Variants in TP73 observed in about 807,000 individuals in gnomAD.
TP73 encodes the protein p53-like transcription factor.
In TP73, 25 loss-of-function variants were observed where a neutral mutation model predicts 62.5. The observed-to-expected ratio is 0.40, with a 90% CI of 0.29 to 0.56. The LOEUF is 0.56. TP73 is among the 20% of genes least tolerant of loss of function. TP73 has a pLI of 0.46. For synonymous variants in TP73, 423 were observed against 377.5 expected (o/e 1.12, Z -1.40); for missense variants, 754 against 913.3 (o/e 0.83, Z 2.25).
rs569845092 is a variant in TP73 at position 3,730,937 on chromosome 1, G to C, written c.1356G>C (p.Met452Ile). 1.3e-4 allele frequency: 202 copies of C among 1,607,148 alleles called. 3 individuals are homozygous for C. The South Asian group carries it at 2.1e-3, about 17-fold the overall frequency. Residue 452 changes from methionine to isoleucine, a missense_variant, in exon 12 of 14, where the codon ATG becomes ATC. Physicochemically the swap from Met to Ile is conservative, Grantham distance 10. Transcript: ENST00000378295. ...TPNLGPVGPGMLNNHGHAVPA... is the reference protein window; with the variant it reads ...TPNLGPVGPGILNNHGHAVPA... ...CTGCCTCTCACCCAGGCCCCGGGAT[G>C]CTCAACAACCATGGCCACGCAGTGC...
chr1:3,678,500 G>C (rs1041724850), intron 1 of TP73, among the ~76,000 whole-genome samples: 3 of 152,244 alleles, frequency 2.0e-5, no homozygotes, highest in African/African-American at 7.2e-5. Context: ...TGTTCCTGTG[G>C]GGCCCTGGGA....
chr1:3,731,302 C>T (rs1642120580), intron 12 of TP73, among the ~76,000 whole-genome samples, 161 bp from the exon 13 acceptor site: 1 of 152,208 alleles, frequency 6.6e-6, no homozygotes, highest in Non-Finnish European at 1.5e-5. Context: ...CAGCTGAGCA[C>T]GTCCCCTCCC....
At chr1:3,680,840 G>C (rs1645502398) in intron 1 of TP73, among the ~76,000 whole-genome samples, 1 of 152,242 alleles carries the variant, frequency 6.6e-6, no homozygotes, top group African/African-American at 2.4e-5. Context: ...AGGCCTGCAA[G>C]GGCACACCCA....
chr1:3,721,932 G>T (rs957727510), intron 4 of TP73, 89 bp from the exon 5 acceptor site: 9 of 1,367,906 alleles, frequency 6.6e-6, no homozygotes, highest in African/African-American at 1.5e-5. Context: ...GGGCACCCAT[G>T]GGGAGGACGT....
rs1214624091 is a variant in TP73 at position 3,666,897 on chromosome 1, G to A, written c.-34+14256G>A. On this transcript the variant is annotated intron_variant, in intron 1 of 13. Transcript: ENST00000378295. This position sits in a 1 kb window ranked among gnomAD's most constrained non-coding sequence, Gnocchi z 6.4. ...TGGCAAAAAAAAGTGGCTCCCCAAA[G>A]GTCTTCACGTCCCAATCCCCAGAAC... 1.3e-5 allele frequency among the ~76,000 whole-genome samples: 2 copies of A among 152,180 alleles called. No homozygotes were observed. Among genetic ancestry groups the A allele is most frequent in the Non-Finnish European group, 2.9e-5 (2 of 68,030 alleles).
At chr1:3,676,055 C>T (rs1645358497) in intron 1 of TP73, among the ~76,000 whole-genome samples, 1 of 149,012 alleles carries the variant, frequency 6.7e-6, no homozygotes, top group Non-Finnish European at 1.5e-5. Flanking sequence ...GGACTGGGGA[C>T]AGGGGACAAG....
chr1:3,682,951 G>A (rs933725393), intron 2 of TP73, 109 bp from the exon 3 acceptor site: 19 of 1,431,350 alleles, frequency 1.3e-5, no homozygotes, highest in Admixed American at 2.0e-5. Context: ...GGCAGGAGAC[G>A]TAGGCCTCAC....
chr1:3,673,187 G>A (rs570122080), intron 1 of TP73, among the ~76,000 whole-genome samples: 13 of 152,368 alleles, frequency 8.5e-5, no homozygotes, highest in African/African-American at 3.1e-4. Flanking sequence ...CTGCAAAAGG[G>A]TGCGGAGACC....
At chr1:3,702,635 T>C (rs979726074) in intron 3 of TP73, among the ~76,000 whole-genome samples, 4 of 152,164 alleles carry the variant, frequency 2.6e-5, no homozygotes, top group Non-Finnish European at 2.9e-5. Flanking sequence ...AACAAGGCCC[T>C]GGGGCCCCAG....
At chr1:3,695,190 GGAT>G (rs1638523719) in intron 3 of TP73, among the ~76,000 whole-genome samples, 1 of 152,252 alleles carries the variant, frequency 6.6e-6, no homozygotes, top group Non-Finnish European at 1.5e-5. Context: ...GCCGATGGCT[GGAT>G]GAGTGGGGCC....
At chr1:3,706,181 G>C (rs1639611782) in intron 3 of TP73, among the ~76,000 whole-genome samples, 1 of 152,120 alleles carries the variant, frequency 6.6e-6, no homozygotes, top group Admixed American at 6.5e-5. Flanking sequence ...ACGGTCTGGG[G>C]GTCTCAGCCT....
At chr1:3,712,298 G>A (rs1385175570) in intron 4 of TP73, 2 of 152,272 alleles carry the variant, frequency 1.3e-5, no homozygotes, top group Non-Finnish European at 2.9e-5. Context: ...ATATCATGTG[G>A]CGCAGGGATC....
At chr1:3,711,549 G>C (rs1640142281) in intron 4 of TP73, among the ~76,000 whole-genome samples, 1 of 152,258 alleles carries the variant, frequency 6.6e-6, no homozygotes, top group African/African-American at 2.4e-5. Context: ...ATCAGGGAAG[G>C]TGGCTGTCCT....
At chr1:3,693,557 C>T (rs144173142) in intron 3 of TP73, among the ~76,000 whole-genome samples, 65 of 152,260 alleles carry the variant, frequency 4.3e-4, no homozygotes, top group Non-Finnish European at 7.5e-4. Flanking sequence ...GCCTCAGTCT[C>T]CTCTATGATG....
intron 3 of TP73, among the ~76,000 whole-genome samples, chr1:3,706,601 C>T (rs979427593): frequency 1.3e-5 from 2 of 152,136 alleles, no homozygotes; most frequent in Non-Finnish European, 2.9e-5. Flanking sequence ...CTCCAGCACC[C>T]GCCTCTGGAT....
chr1:3,719,888 CTT>C (rs1245491958), intron 4 of TP73, among the ~76,000 whole-genome samples: 2 of 96,736 alleles, frequency 2.1e-5, no homozygotes, highest in Non-Finnish European at 4.1e-5. Context: ...CTTTTTTTCT[CTT>C]TGTGTGTGTG....
chr1:3,693,761 A>C, intron 3 of TP73, among the ~76,000 whole-genome samples: 1 of 135,014 alleles, frequency 7.4e-6, no homozygotes, highest in Non-Finnish European at 1.6e-5. Flanking sequence ...TCCTCCCACA[A>C]TCCCACCCAT....
Position 3,729,367 on chromosome 1 carries a change from A to G in TP73, c.1115A>G (p.Lys372Arg), listed in dbSNP as rs1483021148. 1 of 1,613,106 alleles carries G rather than the reference A, an allele frequency of 6.2e-7. No homozygotes were observed. The highest frequency in any genetic ancestry group is 8.5e-7 in the Non-Finnish European group (1 of 1,179,996). The change falls in exon 10 of 14, where the codon AAA becomes AGA. Residue 372 changes from lysine (K) to arginine (R), a missense_variant. Coordinates refer to ENST00000378295, the MANE Select transcript of TP73 (RefSeq NM_005427.4). ...AACTTTGAGATCCTGATGAAGCTGA[A>G]AGAGAGCCTGGAGCTGATGGAGTTG... ...RENFEILMKL[K>R]ESLELMELVP...
At chr1:3,655,537 A>G (rs1221943360) in intron 1 of TP73, among the ~76,000 whole-genome samples, 1 of 152,262 alleles carries the variant, frequency 6.6e-6, no homozygotes, top group African/African-American at 2.4e-5. Context: ...TTAAAAGCAA[A>G]AAAGAAAAAA....
Sources: allele counts gnomAD v4.1 joint callset (sites outside exome capture counted in the v4.1 genomes callset), GRCh38; gene constraint gnomAD v4.1.1; non-coding constraint Gnocchi (gnomAD v3.1); transcripts MANE v1.5; gene names NCBI Gene and HGNC (gene_info 2026-07-23, HGNC 2026-07-21).